ALK: variants seen among roughly 807,000 people sequenced by gnomAD.
ALK encodes the protein ALK receptor tyrosine kinase, also known as ALK tyrosine kinase receptor.
In ALK, 74 loss-of-function variants were observed where a neutral mutation model predicts 163.1. That is an observed-to-expected ratio of 0.45 (90% CI 0.38 to 0.55). ALK has a LOEUF of 0.55. ALK is among the 20% of genes least tolerant of loss of function. ALK has a pLI of 0.00. For missense variants in ALK, 2,063 were observed against 2,105.3 expected (o/e 0.98, Z 0.39); for synonymous variants, 960 against 843.2 (o/e 1.14, Z -2.40).
At chr2:29,465,169 A>C (rs759481414) in intron 4 of ALK, among the ~76,000 whole-genome samples, 10 of 152,202 alleles carry the variant, frequency 6.6e-5, no homozygotes, top group Non-Finnish European at 1.5e-4. Context: ...AGAAAATCTT[A>C]AGGTACCTAA....
intron 25 of ALK, 25 bp downstream of exon 25, chr2:29,209,761 G>C (rs1427574412): frequency 1.9e-6 from 3 of 1,573,482 alleles, no homozygotes; most frequent in Non-Finnish European, 2.6e-6. Context: ...GACAGGCCCG[G>C]AGGGGTGAGG....
intron 3 of ALK, among the ~76,000 whole-genome samples, chr2:29,532,803 A>G (rs1673155278): frequency 6.6e-6 from 1 of 152,212 alleles, no homozygotes; most frequent in Admixed American, 6.5e-5. Context: ...CTTCTGATAC[A>G]TTAATTTTAC....
At chr2:29,475,553 C>G (rs1487158816) in intron 4 of ALK, among the ~76,000 whole-genome samples, 1 of 152,200 alleles carries the variant, frequency 6.6e-6, no homozygotes, top group Non-Finnish European at 1.5e-5. Flanking sequence ...GCTGCATCTC[C>G]AGGCCCTCCC....
intron 5 of ALK, among the ~76,000 whole-genome samples, chr2:29,340,516 T>C (rs1347858338): frequency 6.6e-6 from 1 of 152,046 alleles, no homozygotes; most frequent in Non-Finnish European, 1.5e-5. Flanking sequence ...GTAGCCACAG[T>C]AGAAGGGCTG....
chr2:29,654,739 C>T (rs1677133518), intron 3 of ALK, among the ~76,000 whole-genome samples: 1 of 151,998 alleles, frequency 6.6e-6, no homozygotes, highest in South Asian at 2.1e-4. Context: ...TCAATCATGC[C>T]ATAGCAAATT....
rs774815140 is a variant in ALK at position 29,717,605 on chromosome 2, G to A, written c.760C>T (p.Pro254Ser). 2.7e-5 allele frequency: 44 copies of A among 1,613,914 alleles called. No homozygotes were observed. The highest frequency in any genetic ancestry group is 2.1e-4 in the African/African-American group (16 of 74,912). Reference protein sequence around the residue: ...NLTWIMKDSFPFLSHRSRYGL... With the variant: ...NLTWIMKDSFSFLSHRSRYGL... ...TATCGGCTGCGATGAGACAGGAAAG[G>A]GAAGGAGTCTTTCATTATCCAGGTG... The change falls in exon 2 of 29, where the codon CCT becomes TCT. Residue 254 changes from proline to serine, a missense_variant. Physicochemically the swap from Pro to Ser is moderately conservative, Grantham distance 74. Transcript: ENST00000389048.
intron 1 of ALK, among the ~76,000 whole-genome samples, chr2:29,863,342 G>A (rs1279927276): frequency 6.6e-6 from 1 of 152,124 alleles, no homozygotes; most frequent in Non-Finnish European, 1.5e-5. Context: ...ACAGCCTGTG[G>A]ATTGAGAGAA....
At position 29,920,148 on chromosome 2, in the gene ALK, C is replaced by T. The variant is rs753403262; in HGVS notation, c.512G>A (p.Ser171Asn). ...GCGAATCCACCAACTGAACAGCTCG[C>T]TGAGATTGAACTGGAGCAGCCCCAC... ...AAVGLLQFNL[S>N]ELFSWWIRQG... Residue 171 changes from serine (S) to asparagine (N), a missense_variant, in exon 1 of 29, where the codon AGC (serine) becomes AAC (asparagine). Ser to Asn is a conservative substitution (Grantham distance 46). Transcript: ENST00000389048. 5 of 1,613,864 alleles carry T rather than the reference C, an allele frequency of 3.1e-6. No individual in the cohort carries two copies. In the East Asian group the frequency reaches 1.1e-4, roughly 36 times the overall value.
At chr2:29,558,754 C>T (rs768339559) in intron 3 of ALK, among the ~76,000 whole-genome samples, 2 of 152,096 alleles carry the variant, frequency 1.3e-5, no homozygotes, top group Non-Finnish European at 2.9e-5. Flanking sequence ...GTGTTTCCAG[C>T]TATCCATGTT....
At chr2:29,658,005 T>A (rs1677237302) in intron 3 of ALK, among the ~76,000 whole-genome samples, 1 of 152,016 alleles carries the variant, frequency 6.6e-6, no homozygotes. Context: ...ATGGTGGGTG[T>A]CTCTGCGGGC....
chr2:29,765,600 C>T (rs1249442499), intron 1 of ALK, among the ~76,000 whole-genome samples: 2 of 152,086 alleles, frequency 1.3e-5, no homozygotes, highest in Non-Finnish European at 2.9e-5. Flanking sequence ...GCATAAGCCA[C>T]CATGCCTGGC....
intron 1 of ALK, among the ~76,000 whole-genome samples, chr2:29,901,078 G>A (rs930540856): frequency 1.6e-4 from 24 of 152,146 alleles, no homozygotes; most frequent in Admixed American, 7.2e-4. Flanking sequence ...GATTTGGAAC[G>A]AGGAGGGGAT....
At chr2:29,874,971 A>G (rs1666666793) in intron 1 of ALK, among the ~76,000 whole-genome samples, 1 of 152,202 alleles carries the variant, frequency 6.6e-6, no homozygotes, top group African/African-American at 2.4e-5. Context: ...GCAGGTCCTC[A>G]GGAAGTTAAA....
intron 1 of ALK, among the ~76,000 whole-genome samples, chr2:29,842,420 G>GGCTTT (rs1665725093): frequency 1.3e-5 from 2 of 152,144 alleles, no homozygotes; most frequent in African/African-American, 4.8e-5. Context: ...GGGCTGTACT[G>GGCTTT]ACCATCATTC....
At chr2:29,476,519 T>G (rs891896268) in intron 4 of ALK, among the ~76,000 whole-genome samples, 1 of 151,678 alleles carries the variant, frequency 6.6e-6, no homozygotes, top group African/African-American at 2.4e-5. Flanking sequence ...TTTAGGTATA[T>G]GGAAAAAAAC....
chr2:29,608,562 T>G (rs996835784), intron 3 of ALK, among the ~76,000 whole-genome samples: 1 of 152,216 alleles, frequency 6.6e-6, no homozygotes, highest in African/African-American at 2.4e-5. Context: ...TTCCAGGCAC[T>G]GTAATGAACC....
At position 29,806,885 on chromosome 2, in the gene ALK, G is replaced by A. The variant is rs1333112177; in HGVS notation, c.668-89188C>T. 2.6e-5 allele frequency among the ~76,000 whole-genome samples: 4 copies of A among 152,324 alleles called. No individual in the cohort carries two copies. In the East Asian group the frequency reaches 7.7e-4, roughly 29 times the overall value. ...GATGGTGGTAAGAGGAACAAACAGG[G>A]TTCTTGGAGGAAAAGACCACAGGTC... On this transcript the variant is annotated intron_variant, in intron 1 of 28. Transcript: ENST00000389048.
chr2:29,777,790 A>G (rs1183972179), intron 1 of ALK, among the ~76,000 whole-genome samples: 1 of 152,140 alleles, frequency 6.6e-6, no homozygotes, highest in Non-Finnish European at 1.5e-5. Flanking sequence ...TCTGGTCCTC[A>G]GGCCACACTT....
intron 1 of ALK, among the ~76,000 whole-genome samples, chr2:29,756,179 C>T (rs763056013): frequency 1.3e-4 from 20 of 152,372 alleles, no homozygotes; most frequent in Admixed American, 6.5e-5. Context: ...GACTACAATT[C>T]TCTTCTTCCC....
Sources: gnomAD v4.1 joint callset for allele counts (sites outside exome capture counted in the v4.1 genomes callset) on GRCh38, gnomAD v4.1.1 for gene constraint, MANE v1.5 for transcripts, NCBI Gene and HGNC (gene_info 2026-07-23, HGNC 2026-07-21) for gene names.